The following TOMM20L variants were observed in gnomAD, a reference collection of about 807,000 sequenced individuals.
The protein encoded by TOMM20L is TOMM20-like protein 1.
In TOMM20L, 19 loss-of-function variants were observed where a neutral mutation model predicts 20.4. The observed-to-expected ratio is 0.93, with a 90% CI of 0.65 to 1.36. TOMM20L has a LOEUF of 1.36. TOMM20L is among the 40% of genes most tolerant of loss of function. The pLI, the probability that TOMM20L is intolerant of heterozygous loss-of-function variation, is 0.00. For missense variants in TOMM20L, 218 were observed against 203.7 expected, an observed-to-expected ratio of 1.07 and a Z score of -0.43; for synonymous variants, 75 against 79.6, an observed-to-expected ratio of 0.94 and a Z score of 0.30.
chr14:58,409,150 A>T, downstream of TOMM20L: 1 of 1,613,956 alleles, frequency 6.2e-7, no homozygotes, highest in Non-Finnish European at 8.5e-7. Flanking sequence ...TTCTGTAAGC[A>T]ATGTTCTGAA....
downstream of TOMM20L, chr14:58,408,791 G>T: frequency 1.5e-6 from 1 of 672,170 alleles, no homozygotes; most frequent in South Asian, 2.3e-5. Context: ...CCAAGCTGCT[G>T]AATCATAAGG....
At chr14:58,411,656 A>G (rs942116038), downstream of TOMM20L, among the ~76,000 whole-genome samples, 2 of 151,438 alleles carry the variant, frequency 1.3e-5, no homozygotes, top group Admixed American at 6.6e-5. Flanking sequence ...CCTGTGCCTC[A>G]GCCTCCCACG....
intron 2 of TOMM20L, among the ~76,000 whole-genome samples, chr14:58,401,347 G>C (rs142939639): frequency 6.6e-6 from 1 of 151,948 alleles, no homozygotes; most frequent in Non-Finnish European, 1.5e-5. Context: ...CGAGGTGGGC[G>C]GATCACAAAG....
rs2035908784 is a variant in TOMM20L, at chr14:58,395,988, T to C, written c.31T>C (p.Leu11=). 20 of 1,453,736 alleles carry C rather than the reference T, an allele frequency of 1.4e-5. No individual in the cohort carries two copies. Among genetic ancestry groups the C allele is most frequent in the Non-Finnish European group, 1.6e-5 (18 of 1,095,988 alleles). The allele number at this position is 1,453,736 out of a possible 1,614,324, so 90.1% of individuals were successfully genotyped here. A position where few individuals can be genotyped will look rare whatever the true frequency, so the allele number is the denominator to read the frequency against. Residue 11 remains leucine (L), a synonymous_variant, in exon 1 of 5, where the codon TTG becomes CTG. Transcript: ENST00000360945. MPSVRSLLRL[L]AAAAACGAFA... The stretch of plus-strand genomic sequence containing the variant: ...CTCCGTCCGCTCCCTCCTCCGCCTC[T>C]TGGCCGCCGCGGCGGCCTGTGGCGC...
At chr14:58,401,794 T>A (rs2035996586) in intron 2 of TOMM20L, among the ~76,000 whole-genome samples, 1 of 152,186 alleles carries the variant, frequency 6.6e-6, no homozygotes, top group African/African-American at 2.4e-5. Flanking sequence ...GTCGCCTTCA[T>A]GAACCAACCG....
intron 3 of TOMM20L, among the ~76,000 whole-genome samples, chr14:58,404,359 GAC>G (rs1354427137): frequency 1.3e-5 from 2 of 149,494 alleles, no homozygotes; most frequent in African/African-American, 4.9e-5. Context: ...TCGATCTCCT[GAC>G]CTCGTGATCC....
At chr14:58,408,458 G>A (rs991797373) in intron 4 of TOMM20L, 71 bp from the exon 5 acceptor site, 40 of 1,386,836 alleles carry the variant, frequency 2.9e-5, no homozygotes, top group African/African-American at 1.7e-4. Context: ...TGCCCACCCT[G>A]ACACAAGGGA....
the TOMM20L span, among the ~76,000 whole-genome samples, chr14:58,414,835 C>T: frequency 1.3e-5 from 2 of 152,216 alleles, no homozygotes; most frequent in South Asian, 4.1e-4. Context: ...AAAAGCCTCC[C>T]CACTCCCCAG....
intron 4 of TOMM20L, 112 bp from the exon 5 acceptor site, chr14:58,408,417 C>CAAAAA: frequency 1.5e-5 from 11 of 722,306 alleles, no homozygotes; most frequent in East Asian, 3.4e-5. Context: ...AACTCCGTCT[C>CAAAAA]AAAAAAAAAA....
At chr14:58,404,097 A>ATGTG (rs369989732) in intron 3 of TOMM20L, among the ~76,000 whole-genome samples, 3,498 of 6,988 alleles carry the variant, frequency 0.5, 1,243 homozygotes, top group African/African-American at 0.54. Context: ...ATACATATAT[A>ATGTG]TGTATATATA....
intron 4 of TOMM20L, 100 bp from the exon 5 acceptor site, chr14:58,408,429 A>AT: frequency 8.7e-7 from 1 of 1,144,792 alleles, no homozygotes; most frequent in Non-Finnish European, 1.3e-6. Context: ...AAAAAAAAAA[A>AT]AAAGAAAAGT....
chr14:58,396,794 T>C (rs1344713596), intron 2 of TOMM20L, among the ~76,000 whole-genome samples: 1 of 152,188 alleles, frequency 6.6e-6, no homozygotes, highest in Non-Finnish European at 1.5e-5. Flanking sequence ...AGTCCCTTTT[T>C]TGTTGTTTTT....
At chr14:58,409,642 G>C (rs2036146675), downstream of TOMM20L, among the ~76,000 whole-genome samples, 1 of 151,624 alleles carries the variant, frequency 6.6e-6, no homozygotes, top group Non-Finnish European at 1.5e-5. Context: ...GCAGTGGCGT[G>C]ATCTCGGCTC....
chr14:58,404,380 C>T (rs1421771836), intron 3 of TOMM20L, among the ~76,000 whole-genome samples: 1 of 150,672 alleles, frequency 6.6e-6, no homozygotes, highest in Non-Finnish European at 1.5e-5. Context: ...CCGCCCGCCT[C>T]GGCCTCCCAA....
intron 2 of TOMM20L, among the ~76,000 whole-genome samples, chr14:58,397,896 A>G (rs886898758): frequency 1.3e-5 from 2 of 152,166 alleles, no homozygotes; most frequent in Non-Finnish European, 2.9e-5. Flanking sequence ...AAAACAAGCT[A>G]TTGCAGCAAT....
At chr14:58,412,147 T>A (rs548258354), downstream of TOMM20L, 4 of 518,654 alleles carry the variant, frequency 7.7e-6, no homozygotes, top group African/African-American at 5.8e-5. Flanking sequence ...AGAATTAGAT[T>A]TTCTTTTTTT....
chr14:58,399,687 AT>A (rs2035966894), intron 2 of TOMM20L, among the ~76,000 whole-genome samples: 2 of 151,584 alleles, frequency 1.3e-5, no homozygotes, highest in South Asian at 4.2e-4. Context: ...TCATCTGGAC[AT>A]TCTGTTGGCA....
At chr14:58,400,947 C>T (rs989777168) in intron 2 of TOMM20L, among the ~76,000 whole-genome samples, 2 of 152,190 alleles carry the variant, frequency 1.3e-5, no homozygotes, top group Admixed American at 6.5e-5. Flanking sequence ...ATGTTCCCTG[C>T]AATTTTGCGT....
At chr14:58,415,536 A>G in the TOMM20L span, among the ~76,000 whole-genome samples, 2 of 152,230 alleles carry the variant, frequency 1.3e-5, no homozygotes, top group African/African-American at 4.8e-5. Context: ...ACCCAAATGG[A>G]AAGTTTAAGA....
Sources: gnomAD v4.1 joint callset for allele counts (sites outside exome capture counted in the v4.1 genomes callset) on GRCh38, gnomAD v4.1.1 for gene constraint, MANE v1.5 for transcripts, NCBI Gene and HGNC (gene_info 2026-07-23, HGNC 2026-07-21) for gene names.